PNMT: variants seen among roughly 807,000 people sequenced by gnomAD.
The protein encoded by PNMT is noradrenaline N-methyltransferase.
Under a neutral mutation model 18.9 loss-of-function variants are expected in PNMT, and 18 were observed. That is an observed-to-expected ratio of 0.95 (90% CI 0.66 to 1.41). The LOEUF is 1.41. Ranked by LOEUF, PNMT falls within the 40% of genes most tolerant of loss-of-function variation. The pLI is 0.00. For missense variants in PNMT, 378 were observed against 387.0 expected (o/e 0.98, Z 0.20); for synonymous variants, 167 against 168.6 (o/e 0.99, Z 0.08).
chr17:39,668,225 G>T (rs1268659893), upstream of PNMT: 2 of 397,760 alleles, frequency 5.0e-6, no homozygotes, highest in Non-Finnish European at 8.8e-6. Flanking sequence ...CGAGGGCTGC[G>T]GGAGCAAGTA....
chr17:39,670,156 A>G lies in PNMT; in HGVS notation c.616A>G (p.Arg206Gly), dbSNP rs772028272. 1.2e-6 allele frequency: 2 copies of G among 1,612,050 alleles called. No homozygotes were observed. Among genetic ancestry groups the G allele is most frequent in the South Asian group, 1.1e-5 (1 of 91,044 alleles). ...CCTGGACCACATCACCACGCTGCTG[A>G]GGCCTGGGGGGCACCTCCTCCTCAT... ...RALDHITTLL[R>G]PGGHLLLIGA... The change falls in exon 3 of 3, where the codon AGG becomes GGG. Residue 206 changes from arginine (R) to glycine (G), a missense_variant. Physicochemically the swap from Arg to Gly is moderately radical, Grantham distance 125. Transcript: ENST00000269582.
upstream of PNMT, chr17:39,668,335 T>TG: frequency 1.8e-6 from 1 of 560,448 alleles, no homozygotes; most frequent in East Asian, 3.6e-5. Flanking sequence ...GATGAATGGG[T>TG]GGGGAGGATG....
upstream of PNMT, chr17:39,668,224 C>T: frequency 8.2e-6 from 3 of 366,588 alleles, no homozygotes; most frequent in Non-Finnish European, 1.4e-5. Context: ...GCGAGGGCTG[C>T]GGGAGCAAGT....
At position 39,669,856 on chromosome 17, in the gene PNMT, G is replaced by A. The variant is rs767449597; in HGVS notation, c.410+20G>A. On this transcript the variant is annotated intron_variant, in intron 2 of 2. Transcript: ENST00000269582. Reference sequence around the variant, plus strand: ...CAAGGGGTAAGGACTGGGGGGTGAGGGTTGGGGAGGAGGCTTCCCATAGAG... The same window carrying A: ...CAAGGGGTAAGGACTGGGGGGTGAGAGTTGGGGAGGAGGCTTCCCATAGAG... The A allele has an allele frequency of 1.9e-6, 3 of 1,607,214 alleles. No individual in the cohort carries two copies. Among genetic ancestry groups the A allele is most frequent in the South Asian group, 2.2e-5 (2 of 90,656 alleles).
At chr17:39,668,745 T>C in intron 1 of PNMT, 68 bp downstream of exon 1, 1 of 1,305,788 alleles carries the variant, frequency 7.7e-7, no homozygotes, top group Non-Finnish European at 1.1e-6. Context: ...CGCAGGGAAA[T>C]AAAAAGAAGG....
At chr17:39,668,449 G>T (rs1384167421), upstream of PNMT, 3 of 1,360,098 alleles carry the variant, frequency 2.2e-6, no homozygotes, top group Non-Finnish European at 2.8e-6. Context: ...GAGGCGAGCG[G>T]GGCACTGGGC....
chr17:39,668,244 G>A (rs970973992), upstream of PNMT: 34 of 421,342 alleles, frequency 8.1e-5, no homozygotes, highest in Non-Finnish European at 1.2e-4. Flanking sequence ...TACGGAGCCG[G>A]GGGTGTGGGG....
chr17:39,668,667 C>A lies in PNMT; in HGVS notation c.192C>A (p.Thr64=). The change falls in exon 1 of 3, where the codon ACC becomes ACA. Residue 64 remains threonine, a synonymous_variant. Transcript: ENST00000269582. ...GGAAGCTGCGCTGCTTGGCGCAGAC[C>A]TTCGCCACCGGTGAGCGGGGGAAAC... is the stretch of plus-strand genomic sequence containing the variant. ...GPWKLRCLAQ[T]FATGEVSGRT... 6.3e-7 allele frequency: 1 copy of A among 1,577,608 alleles called. No individual in the cohort carries two copies. The highest frequency in any genetic ancestry group is 8.6e-7 in the Non-Finnish European group (1 of 1,160,458).
At chr17:39,668,151 T>C, upstream of PNMT, 1 of 188,370 alleles carries the variant, frequency 5.3e-6, no homozygotes, top group East Asian at 7.4e-5. Flanking sequence ...ATTGTGGGGG[T>C]GAGGAACTGA....
At chr17:39,668,125 G>A (rs1422612724), upstream of PNMT, 4 of 260,462 alleles carry the variant, frequency 1.5e-5, no homozygotes, top group South Asian at 1.6e-4. Context: ...GCCGGCGGGG[G>A]TGAGGGGGTC....
upstream of PNMT, chr17:39,668,447 C>G (rs540138692): frequency 2.9e-5 from 39 of 1,353,996 alleles, no homozygotes; most frequent in African/African-American, 5.8e-4. Context: ...GCGAGGCGAG[C>G]GGGGCACTGG....
rs1305119932 is a variant in PNMT, at chr17:39,669,781, G to A, written c.355G>A (p.Gly119Arg). The A allele has an allele frequency of 6.2e-7, 1 of 1,614,146 alleles. No individual in the cohort carries two copies. The highest frequency in any genetic ancestry group is 8.5e-7 in the Non-Finnish European group (1 of 1,180,000). Residue 119 changes from glycine to arginine, a missense_variant, in exon 2 of 3, where the codon GGG (glycine) becomes AGG (arginine). By Grantham distance (125) the Gly-to-Arg change is moderately radical. Coordinates refer to ENST00000269582, the MANE Select transcript of PNMT (RefSeq NM_002686.4). ...GGGGCGCTGGCTGCAGGAGGAGCCG[G>A]GGGCCTTCAACTGGAGCATGTACAG... ...ELGRWLQEEP[G>R]AFNWSMYSQH...
chr17:39,668,143 T>A (rs2057269143), upstream of PNMT: 2 of 194,542 alleles, frequency 1.0e-5, no homozygotes, highest in African/African-American at 9.4e-5. Flanking sequence ...GTCTAAAGAT[T>A]GTGGGGGTGA....
intron 1 of PNMT, among the ~76,000 whole-genome samples, chr17:39,669,333 G>A (rs1009171735): frequency 3.3e-5 from 5 of 151,950 alleles, no homozygotes; most frequent in Non-Finnish European, 4.4e-5. Context: ...CACCCACCCC[G>A]GCCTCCCAAA....
chr17:39,670,174 C>G lies in PNMT; in HGVS notation c.634C>G (p.Leu212Val), dbSNP rs769755357. 6.2e-7 allele frequency: 1 copy of G among 1,612,172 alleles called. No individual in the cohort carries two copies. The highest frequency in any genetic ancestry group is 8.5e-7 in the Non-Finnish European group (1 of 1,179,910). ...TTLLRPGGHL[L>V]LIGALEESWY... ...GCTGCTGAGGCCTGGGGGGCACCTC[C>G]TCCTCATCGGGGCCCTGGAGGAGTC... Residue 212 changes from leucine to valine, a missense_variant, in exon 3 of 3, where the codon CTC becomes GTC. Transcript: ENST00000269582.
In PNMT at chr17:39,670,079, C is replaced by T. The variant is rs2057286061; in HGVS notation, c.539C>T (p.Ser180Phe). 2 of 1,608,724 alleles carry T rather than the reference C, an allele frequency of 1.2e-6. No homozygotes were observed. Among genetic ancestry groups the T allele is most frequent in the East Asian group, 2.2e-5 (1 of 44,878 alleles). Residue 180 changes from serine to phenylalanine, a missense_variant, in exon 3 of 3, where the codon TCT (serine) becomes TTT (phenylalanine). Transcript: ENST00000269582. ...CCCCTGCCTGCTGACGCCCTGGTCT[C>T]TGCCTTCTGCTTGGAGGCTGTGAGC... ...PAPLPADALV[S>F]AFCLEAVSPD...
intron 1 of PNMT, 122 bp downstream of exon 1, chr17:39,668,799 C>T: frequency 2.7e-6 from 2 of 731,156 alleles, no homozygotes; most frequent in South Asian, 3.8e-5. Context: ...GACCAAGAAA[C>T]AAGAGATAGC....
In PNMT at chr17:39,668,616, G is replaced by A; in HGVS notation, c.141G>A (p.Leu47=). 3 of 1,606,892 alleles carry A rather than the reference G, an allele frequency of 1.9e-6. No homozygotes were observed. Among genetic ancestry groups the A allele is most frequent in the Non-Finnish European group, 2.5e-6 (3 of 1,178,774 alleles). The change falls in exon 1 of 3, where the codon CTG becomes CTA. Residue 47 remains leucine (L), a synonymous_variant. Coordinates refer to ENST00000269582, the MANE Select transcript of PNMT (RefSeq NM_002686.4). ...RNNYAPPRGD[L]CNPNGVGPWK... ...ACTACGCGCCCCCTCGCGGGGACCTGTGCAACCCGAACGGCGTCGGGCCGT... is the reference window on the plus strand; with the variant it reads ...ACTACGCGCCCCCTCGCGGGGACCTATGCAACCCGAACGGCGTCGGGCCGT...
rs765682050 is a variant in PNMT, at chr17:39,668,527, C to A, written c.52C>A (p.Pro18Thr). The A allele has an allele frequency of 2.5e-4, 382 of 1,542,874 alleles. 1 individual carries two copies. In the Middle Eastern group the frequency reaches 6.3e-3, roughly 25 times the overall value. Residue 18 changes from proline to threonine, a missense_variant, in exon 1 of 3, where the codon CCG becomes ACG. Pro to Thr is a conservative substitution (Grantham distance 38). Coordinates refer to ENST00000269582, the MANE Select transcript of PNMT (RefSeq NM_002686.4). Reference sequence around the variant, plus strand: ...TGCGGGCGCAGCCCCTGACTCGGCCCCGGGCCAGGCGGCGGTGGCTTCGGC... The same window carrying A: ...TGCGGGCGCAGCCCCTGACTCGGCCACGGGCCAGGCGGCGGTGGCTTCGGC... Reference protein sequence around the residue: ...PNAGAAPDSAPGQAAVASAYQ... With the variant: ...PNAGAAPDSATGQAAVASAYQ...
Sources: allele counts gnomAD v4.1 joint callset (sites outside exome capture counted in the v4.1 genomes callset), GRCh38; gene constraint gnomAD v4.1.1; transcripts MANE v1.5; gene names NCBI Gene and HGNC (gene_info 2026-07-23, HGNC 2026-07-21).